Variants in ROCK2 observed in about 807,000 individuals in gnomAD.
ROCK2 encodes Rho associated coiled-coil containing protein kinase 2.
ROCK2 carries 61 observed loss-of-function variants against 195.1 expected under a neutral mutation model. The observed-to-expected ratio is 0.31, with a 90% CI of 0.25 to 0.39. ROCK2 has a LOEUF of 0.39. Among genes scored for constraint, ROCK2 ranks in the 10% least tolerant of loss-of-function variants. The probability of loss-of-function intolerance (pLI) is 1.00; values close to 1 mark genes in which losing one functional copy is unlikely to be tolerated. For synonymous variants in ROCK2, 504 were observed against 545.5 expected (o/e 0.92, Z 1.06); for missense variants, 1,109 against 1,637.4 (o/e 0.68, Z 5.57).
intron 3 of ROCK2, among the ~76,000 whole-genome samples, chr2:11,280,056 C>T (rs1666947886): frequency 6.6e-6 from 1 of 152,044 alleles, no homozygotes; most frequent in African/African-American, 2.4e-5. Context: ...TATCTAAAAT[C>T]AATAATCTGA....
chr2:11,280,978 C>T (rs1002041774), intron 3 of ROCK2, among the ~76,000 whole-genome samples: 4 of 151,930 alleles, frequency 2.6e-5, no homozygotes, highest in Non-Finnish European at 5.9e-5. Flanking sequence ...AACACAGATG[C>T]AAAAATCCTC....
intron 27 of ROCK2, among the ~76,000 whole-genome samples, chr2:11,195,588 C>T (rs1043662810): frequency 6.6e-5 from 10 of 152,118 alleles, no homozygotes; most frequent in Admixed American, 5.9e-4. Context: ...AATCTTGGCT[C>T]ACTGCAGGCT....
chr2:11,283,751 G>A (rs1667097211), intron 3 of ROCK2, among the ~76,000 whole-genome samples: 1 of 152,118 alleles, frequency 6.6e-6, no homozygotes, highest in Admixed American at 6.5e-5. Flanking sequence ...TTATAACAGC[G>A]ACAAGACCAA....
Position 11,344,585 on chromosome 2 carries a change from G to T in ROCK2, c.-449C>A. ...TGCCATGGTCGCCGCCGGCCGCCTT[G>T]CAGTCCCTCAGCCAGCTCCCGGCGC... On this transcript the variant is annotated 5_prime_UTR_variant, in exon 1 of 33. Coordinates refer to ENST00000315872, the MANE Select transcript of ROCK2 (RefSeq NM_004850.5). The surrounding 1 kb of genome is among the most constrained non-coding windows in gnomAD (Gnocchi z 5.4). 1 of 712,078 alleles carries T rather than the reference G, an allele frequency of 1.4e-6. No homozygotes were observed. Among genetic ancestry groups the T allele is most frequent in the Non-Finnish European group, 1.7e-6 (1 of 584,328 alleles). 44.1% of individuals were successfully genotyped at this position (712,078 alleles called of 1,614,324 possible).
Position 11,192,242 on chromosome 2 carries a change from G to T in ROCK2, c.4069C>A (p.Pro1357Thr). ...GTTCTAGGAGATGATCGGGCAAAAG[G>T]GTCTGGAGCTGGGGGCTTTTTAGGT... The part of the protein sequence containing the change: ...KIPKKPPAPD[P>T]FARSSPRTSM... The change falls in exon 32 of 33, where the codon CCT becomes ACT. Residue 1357 changes from proline to threonine, a missense_variant. Physicochemically the swap from Pro to Thr is conservative, Grantham distance 38. This residue lies in a region of ROCK2 where 221 missense variants were observed against 355.1 expected (regional missense o/e 0.62). Transcript: ENST00000315872. This position sits in a 1 kb window ranked among gnomAD's most constrained non-coding sequence, Gnocchi z 5.0. The T allele has an allele frequency of 6.2e-7, 1 of 1,613,954 alleles. No homozygotes were observed. Among genetic ancestry groups the T allele is most frequent in the Non-Finnish European group, 8.5e-7 (1 of 1,179,948 alleles).
intron 3 of ROCK2, among the ~76,000 whole-genome samples, chr2:11,277,789 G>A (rs113986856): frequency 1.3e-5 from 2 of 152,216 alleles, no homozygotes; most frequent in Admixed American, 6.5e-5. Flanking sequence ...TGCTATAAAC[G>A]TGTGTGCAAG....
chr2:11,245,312 A>G (rs1364083785), intron 4 of ROCK2, among the ~76,000 whole-genome samples: 1 of 151,102 alleles, frequency 6.6e-6, no homozygotes, highest in Non-Finnish European at 1.5e-5. Flanking sequence ...AGGAATATAA[A>G]TTATTAATAA....
chr2:11,317,712 C>T (rs1436800518), intron 1 of ROCK2, among the ~76,000 whole-genome samples: 1 of 147,824 alleles, frequency 6.8e-6, no homozygotes, highest in East Asian at 2.0e-4. Context: ...GTGTGCTGCA[C>T]CCATTAACTC....
At chr2:11,318,115 T>C (rs1399749762) in intron 1 of ROCK2, among the ~76,000 whole-genome samples, 1 of 152,230 alleles carries the variant, frequency 6.6e-6, no homozygotes, top group East Asian at 1.9e-4. Context: ...TATAATCCTT[T>C]GGGTATATAC....
intron 1 of ROCK2, among the ~76,000 whole-genome samples, chr2:11,337,965 AC>A (rs1668983725): frequency 6.6e-6 from 1 of 152,142 alleles, no homozygotes; most frequent in Admixed American, 6.6e-5. Flanking sequence ...AAAAGTAAAC[AC>A]ATATCTGCCC....
At chr2:11,198,618 G>C in intron 24 of ROCK2, 33 bp from the exon 25 acceptor site, 1 of 1,590,348 alleles carries the variant, frequency 6.3e-7, no homozygotes, top group Non-Finnish European at 8.6e-7. Flanking sequence ...AATTACATTG[G>C]TAATTACAGC....
intron 3 of ROCK2, among the ~76,000 whole-genome samples, chr2:11,252,949 A>G (rs906218700): frequency 8.1e-6 from 1 of 123,262 alleles, no homozygotes; most frequent in Non-Finnish European, 1.7e-5. Flanking sequence ...TATAATAATA[A>G]TAATAATAAT....
intron 3 of ROCK2, among the ~76,000 whole-genome samples, chr2:11,265,520 TC>T (rs1044603895): frequency 6.6e-6 from 1 of 152,142 alleles, no homozygotes; most frequent in Admixed American, 6.5e-5. Flanking sequence ...TGAAAATAAT[TC>T]AACATTAGTT....
intron 6 of ROCK2, among the ~76,000 whole-genome samples, chr2:11,226,386 T>A (rs188730031): frequency 3.3e-5 from 5 of 152,226 alleles, no homozygotes; most frequent in Non-Finnish European, 7.3e-5. Context: ...AAAACTGAAA[T>A]GTTATTACAA....
In ROCK2 at chr2:11,235,977, G is replaced by A. The variant is rs1251442400; in HGVS notation, c.463-15C>T. 3 of 1,406,244 alleles carry A rather than the reference G, an allele frequency of 2.1e-6. No homozygotes were observed. The highest frequency in any genetic ancestry group is 2.5e-5 in the East Asian group (1 of 39,308). 87.1% of individuals were successfully genotyped at this position (1,406,244 alleles called of 1,614,324 possible). A position where few individuals can be genotyped will look rare whatever the true frequency, so the allele number is the denominator to read the frequency against. On this transcript the variant is annotated splice_polypyrimidine_tract_variant and intron_variant, in intron 4 of 32. Transcript: ENST00000315872. This position sits in a 1 kb window ranked among gnomAD's most constrained non-coding sequence, Gnocchi z 4.2. ...GCATAAAAAAGCTGGAAAACAAAAG[G>A]AAAAGGAAAAATTTTTAAAAACCCA...
intron 1 of ROCK2, among the ~76,000 whole-genome samples, chr2:11,300,421 G>A (rs752274720): frequency 6.6e-6 from 1 of 151,846 alleles, no homozygotes; most frequent in African/African-American, 2.4e-5. Flanking sequence ...CCGCCACCAC[G>A]CCTGGCTTAT....
At chr2:11,317,606 A>ATTT (rs1215755085) in intron 1 of ROCK2, among the ~76,000 whole-genome samples, 3 of 16,158 alleles carry the variant, frequency 1.9e-4, no homozygotes, top group African/African-American at 3.8e-4. Context: ...ATATATATAT[A>ATTT]TATATATTTT....
At chr2:11,298,421 G>C (rs1169446218) in intron 1 of ROCK2, among the ~76,000 whole-genome samples, 2 of 130,438 alleles carry the variant, frequency 1.5e-5, no homozygotes, top group African/African-American at 5.9e-5. Flanking sequence ...AGTGAGCCAA[G>C]ATCGTGCCAC....
At position 11,294,978 on chromosome 2, in the gene ROCK2, G is replaced by A. The variant is rs563435920; in HGVS notation, c.142-7242C>T. Among the ~76,000 whole-genome samples, 8 of 151,862 alleles carry A rather than the reference G, an allele frequency of 5.3e-5. No homozygotes were observed. In the East Asian group the frequency reaches 9.7e-4, roughly 18 times the overall value. ...ACTTTTTTGTATTTTTAGTAGAGACGGGGTTTCATCATGTTGCCCAGGTTG... is the reference window on the plus strand; with the variant it reads ...ACTTTTTTGTATTTTTAGTAGAGACAGGGTTTCATCATGTTGCCCAGGTTG... On this transcript the variant is annotated intron_variant, in intron 1 of 32. Coordinates refer to ENST00000315872, the MANE Select transcript of ROCK2 (RefSeq NM_004850.5).
Sources: gnomAD v4.1 joint callset for allele counts (sites outside exome capture counted in the v4.1 genomes callset) on GRCh38, gnomAD v4.1.1 for gene constraint, gnomAD v4.1.1 regional missense constraint, Gnocchi (gnomAD v3.1) non-coding constraint, MANE v1.5 for transcripts, NCBI Gene and HGNC (gene_info 2026-07-23, HGNC 2026-07-21) for gene names.